Variants in CD226 observed in about 807,000 individuals in gnomAD.
CD226 encodes the protein CD226 antigen.
Under a neutral mutation model 34.9 loss-of-function variants are expected in CD226, and 24 were observed. The ratio of observed to expected loss-of-function variants is 0.69; its 90% CI spans 0.50 to 0.97. The LOEUF (loss-of-function observed/expected upper bound fraction) is 0.97. Among genes scored for constraint, CD226 ranks in the 50% least tolerant of loss-of-function variants. The pLI, the probability that CD226 is intolerant of heterozygous loss-of-function variation, is 0.00. For synonymous variants in CD226, 148 were observed against 147.4 expected (o/e 1.00, Z -0.03); for missense variants, 397 against 412.7 (o/e 0.96, Z 0.33).
At chr18:69,950,971 TTGTG>T (rs57098005), upstream of CD226, among the ~76,000 whole-genome samples, 73,787 of 132,346 alleles carry the variant, frequency 0.56, 23,610 homozygotes, top group East Asian at 0.75. Flanking sequence ...AACTATGATT[TTGTG>T]TGTGTGTGTG....
chr18:69,881,464 T>A (rs1984256383), intron 3 of CD226, among the ~76,000 whole-genome samples: 1 of 152,242 alleles, frequency 6.6e-6, no homozygotes, highest in South Asian at 2.1e-4. Context: ...GGACACTTAA[T>A]GTTTTAAACA....
rs113034942 is a variant in CD226, at chr18:69,947,744, CAA to C, written c.-340_-339del. ...TGTAGGCAATGAGGATACAATAATA[CAA>C]AAAAAAAAAAATATTGCCATGATAG... is the stretch of plus-strand genomic sequence containing the variant. On this transcript the variant is annotated 5_prime_UTR_variant, in exon 1 of 6. The change creates a premature stop within an existing upstream ORF in the 5' untranslated region. Transcript: ENST00000582621. 0.014 allele frequency: 2,129 copies of C among 148,228 alleles called. 10 individuals are homozygous for C. The highest frequency in any genetic ancestry group is 0.027 in the African/African-American group (991 of 36,468). 9.2% of individuals were successfully genotyped at this position (148,228 alleles called of 1,614,324 possible).
chr18:69,880,446 G>A (rs1984178814), intron 3 of CD226, among the ~76,000 whole-genome samples: 1 of 152,058 alleles, frequency 6.6e-6, no homozygotes, highest in African/African-American at 2.4e-5. Flanking sequence ...AGGGTATGGA[G>A]AAGAGAGAAC....
chr18:69,916,357 C>G (rs2055385812), intron 2 of CD226, among the ~76,000 whole-genome samples: 1 of 152,140 alleles, frequency 6.6e-6, no homozygotes, highest in Non-Finnish European at 1.5e-5. Context: ...TTTAGTATGA[C>G]ATTGACCATC....
At chr18:69,879,603 A>G (rs7231217) in intron 3 of CD226, among the ~76,000 whole-genome samples, 8,461 of 152,204 alleles carry the variant, frequency 0.056, 712 homozygotes, top group African/African-American at 0.18. Context: ...TATTGTTCAA[A>G]CATACATGCT....
intron 2 of CD226, among the ~76,000 whole-genome samples, chr18:69,912,200 G>C (rs1360318872): frequency 6.6e-6 from 1 of 152,122 alleles, no homozygotes; most frequent in Non-Finnish European, 1.5e-5. Flanking sequence ...AAAAACCCTA[G>C]AAGAAAACCT....
intron 3 of CD226, among the ~76,000 whole-genome samples, chr18:69,879,383 T>TC (rs1984075401): frequency 6.6e-6 from 1 of 151,908 alleles, no homozygotes; most frequent in Non-Finnish European, 1.5e-5. Context: ...AGGGCTCTCC[T>TC]CCCCCCAGGA....
upstream of CD226, among the ~76,000 whole-genome samples, chr18:69,950,421 A>G (rs746945547): frequency 7.9e-5 from 12 of 152,224 alleles, no homozygotes; most frequent in Non-Finnish European, 1.6e-4. Context: ...ATAAATGCAC[A>G]GTTATGAAGT....
At chr18:69,931,046 T>C (rs2055582999) in intron 2 of CD226, among the ~76,000 whole-genome samples, 1 of 152,184 alleles carries the variant, frequency 6.6e-6, no homozygotes, top group Admixed American at 6.5e-5. Flanking sequence ...TGGAATACTA[T>C]GCAGCCATAA....
rs1399813651 is a variant in CD226, at chr18:69,861,548, ATATATG to A, written c.*2760_*2765del. 1 of 75,290 alleles carries A rather than the reference ATATATG, an allele frequency of 1.3e-5. No homozygotes were observed. The highest frequency in any genetic ancestry group is 2.8e-5 in the Non-Finnish European group (1 of 35,568). 4.7% of individuals were successfully genotyped at this position (75,290 alleles called of 1,614,324 possible). On this transcript the variant is annotated 3_prime_UTR_variant, in exon 6 of 6. Coordinates refer to ENST00000582621, the MANE Select transcript of CD226 (RefSeq NM_001303618.2). ...ATCGATATAAATTATATGTGTATATATATATGTATATATATATATATATATGTAAAA... is the reference window on the plus strand; with the variant it reads ...ATCGATATAAATTATATGTGTATATATATATATATATATATATATGTAAAA...
chr18:69,910,747 A>G (rs1366112925), intron 2 of CD226, among the ~76,000 whole-genome samples: 1 of 152,224 alleles, frequency 6.6e-6, no homozygotes, highest in Non-Finnish European at 1.5e-5. Context: ...GGGAGACTGG[A>G]TAAGGGGTAT....
chr18:69,910,187 A>G (rs1247711363), intron 2 of CD226, among the ~76,000 whole-genome samples: 2 of 152,206 alleles, frequency 1.3e-5, no homozygotes, highest in Non-Finnish European at 2.9e-5. Context: ...CTAAAGAAGG[A>G]GGCAGCCCTG....
chr18:69,939,667 A>G (rs1213644620), intron 2 of CD226, among the ~76,000 whole-genome samples: 1 of 152,232 alleles, frequency 6.6e-6, no homozygotes, highest in Non-Finnish European at 1.5e-5. Flanking sequence ...CTAATGCCAT[A>G]TCATTTTCCA....
chr18:69,871,900 A>G (rs929122998), intron 4 of CD226, among the ~76,000 whole-genome samples: 1 of 152,194 alleles, frequency 6.6e-6, no homozygotes, highest in Non-Finnish European at 1.5e-5. Flanking sequence ...TCAGAAGAAG[A>G]CCCAGGGAAA....
chr18:69,901,595 T>C (rs1453294933), intron 2 of CD226, among the ~76,000 whole-genome samples: 3 of 150,360 alleles, frequency 2.0e-5, no homozygotes, highest in Non-Finnish European at 4.4e-5. Context: ...AAGTATTTAT[T>C]TGTGCCCGGG....
At chr18:69,912,595 C>G (rs2055338934) in intron 2 of CD226, among the ~76,000 whole-genome samples, 1 of 152,176 alleles carries the variant, frequency 6.6e-6, no homozygotes, top group Non-Finnish European at 1.5e-5. Flanking sequence ...AATGTCACCT[C>G]TGATTTGCTC....
chr18:69,872,180 A>C (rs945558465), intron 4 of CD226, among the ~76,000 whole-genome samples: 1 of 152,070 alleles, frequency 6.6e-6, no homozygotes, highest in Non-Finnish European at 1.5e-5. Context: ...ATGATATGCC[A>C]GACATGAAAA....
chr18:69,903,072 C>A (rs2055207868), intron 2 of CD226, among the ~76,000 whole-genome samples: 1 of 152,166 alleles, frequency 6.6e-6, no homozygotes, highest in Admixed American at 6.5e-5. Flanking sequence ...TACAAGCAAG[C>A]AACAAAGTCC....
At chr18:69,937,377 TG>T (rs1156401828) in intron 2 of CD226, among the ~76,000 whole-genome samples, 1 of 152,188 alleles carries the variant, frequency 6.6e-6, no homozygotes, top group African/African-American at 2.4e-5. Flanking sequence ...CCTGGAATAG[TG>T]CCTATTAATC....
Sources: allele counts gnomAD v4.1 joint callset (sites outside exome capture counted in the v4.1 genomes callset), GRCh38; gene constraint gnomAD v4.1.1; transcripts MANE v1.5; gene names NCBI Gene and HGNC (gene_info 2026-07-23, HGNC 2026-07-21).